Variants in LEMD3 observed in about 807,000 individuals in gnomAD.
LEMD3 encodes inner nuclear membrane protein Man1.
In LEMD3, 33 loss-of-function variants were observed where a neutral mutation model predicts 95.2. The ratio of observed to expected loss-of-function variants is 0.35; its 90% CI spans 0.26 to 0.46. The LOEUF is 0.46. LEMD3 is among the 20% of genes least tolerant of loss of function. The pLI is 1.00. For synonymous variants in LEMD3, 525 were observed against 474.6 expected, an observed-to-expected ratio of 1.11 and a Z score of -1.38; for missense variants, 1,210 against 1,192.8, an observed-to-expected ratio of 1.01 and a Z score of -0.21.
At chr12:65,219,647 A>C (rs560310355) in intron 4 of LEMD3, among the ~76,000 whole-genome samples, 2 of 152,194 alleles carry the variant, frequency 1.3e-5, no homozygotes, top group African/African-American at 4.8e-5. Context: ...TTATACAGCA[A>C]ATCTCTAGAA....
chr12:65,221,555 C>T (rs988097542), intron 4 of LEMD3, among the ~76,000 whole-genome samples: 2 of 151,836 alleles, frequency 1.3e-5, no homozygotes, highest in Admixed American at 1.3e-4. Context: ...ATCTTTAGGG[C>T]TTTCTATGTA....
At chr12:65,208,908 G>A (rs998352117) in intron 1 of LEMD3, among the ~76,000 whole-genome samples, 23 of 152,116 alleles carry the variant, frequency 1.5e-4, no homozygotes, top group African/African-American at 4.6e-4. Context: ...AGGATACTAG[G>A]GGTAGAGCAA....
rs1321264567 is a variant in LEMD3, at chr12:65,170,779, G to T, written c.1183G>T (p.Gly395Cys). The change falls in exon 1 of 13, where the codon GGT (glycine) becomes TGT (cysteine). Residue 395 changes from glycine to cysteine, a missense_variant. Gly to Cys is a radical substitution (Grantham distance 159, BLOSUM62 -3). Around this residue, in one of 2 missense-constraint regions of LEMD3, gnomAD observed 749 missense variants for 622.9 expected, o/e 1.20. Transcript: ENST00000308330. Reference protein sequence around the residue: ...SLLKTNNHIGGGAFSVDSPRI... With the variant: ...SLLKTNNHIGCGAFSVDSPRI... ...TCTGAAAACCAATAATCATATTGGC[G>T]GTGGGGCCTTCAGTGTGGACTCCCC... The T allele has an allele frequency of 8.7e-6, 14 of 1,614,168 alleles. No homozygotes were observed. Among genetic ancestry groups the T allele is most frequent in the Non-Finnish European group, 1.1e-5 (13 of 1,180,032 alleles).
intron 1 of LEMD3, among the ~76,000 whole-genome samples, chr12:65,188,631 A>G (rs1402166327): frequency 6.6e-6 from 1 of 152,122 alleles, no homozygotes; most frequent in African/African-American, 2.4e-5. Context: ...CTTCCTCCTT[A>G]CTTGCTTTAA....
intron 1 of LEMD3, among the ~76,000 whole-genome samples, chr12:65,199,274 TCATTA>T (rs2136329256): frequency 6.6e-6 from 1 of 152,264 alleles, no homozygotes; most frequent in East Asian, 1.9e-4. Context: ...GAACAGACTG[TCATTA>T]AAGTCTTAAA....
intron 1 of LEMD3, among the ~76,000 whole-genome samples, chr12:65,174,164 T>G (rs1868640676): frequency 6.6e-6 from 1 of 152,202 alleles, no homozygotes; most frequent in Non-Finnish European, 1.5e-5. Context: ...TCTTTTAAAT[T>G]GTTCTTAATC....
intron 2 of LEMD3, among the ~76,000 whole-genome samples, chr12:65,214,862 C>T (rs569687410): frequency 6.6e-6 from 1 of 152,074 alleles, no homozygotes; most frequent in Non-Finnish European, 1.5e-5. Context: ...CCCTCCTGAT[C>T]GTAATTGCTC....
At chr12:65,173,002 A>G (rs1868604707) in intron 1 of LEMD3, among the ~76,000 whole-genome samples, 1 of 152,158 alleles carries the variant, frequency 6.6e-6, no homozygotes, top group Admixed American at 6.5e-5. Context: ...CTTCCCAGCA[A>G]CTCACAGAAG....
At chr12:65,187,281 A>G (rs904256317) in intron 1 of LEMD3, among the ~76,000 whole-genome samples, 1 of 152,104 alleles carries the variant, frequency 6.6e-6, no homozygotes, top group African/African-American at 2.4e-5. Flanking sequence ...AGTGTTTACT[A>G]TGAGGATATG....
chr12:65,193,542 G>T (rs962804431), intron 1 of LEMD3, among the ~76,000 whole-genome samples: 1 of 152,050 alleles, frequency 6.6e-6, no homozygotes, highest in Non-Finnish European at 1.5e-5. Flanking sequence ...CCTCCATGTT[G>T]CTTCTTAATG....
At position 65,238,749 on chromosome 12, in the gene LEMD3, C is replaced by CT; in HGVS notation, c.1861dup (p.Trp621LeufsTer48). Reference sequence around the variant, plus strand: ...TTACAGTCCACAAGACCACTGATGTCTTTTTGGTGTCGTTTTCGACGTGCT... The same window carrying CT: ...TTACAGTCCACAAGACCACTGATGTCTTTTTTGGTGTCGTTTTCGACGTGCT... On this transcript the variant is annotated frameshift_variant, in exon 6 of 13. Coordinates refer to ENST00000308330, the MANE Select transcript of LEMD3 (RefSeq NM_014319.5). LOFTEE classifies it high-confidence loss of function. The CT allele has an allele frequency of 6.2e-7, 1 of 1,614,006 alleles. No homozygotes were observed. The highest frequency in any genetic ancestry group is 8.5e-7 in the Non-Finnish European group (1 of 1,179,936).
intron 1 of LEMD3, among the ~76,000 whole-genome samples, chr12:65,208,478 G>A (rs186065392): frequency 6.6e-5 from 10 of 152,078 alleles, no homozygotes; most frequent in East Asian, 3.9e-4. Context: ...TCTTCTCTTC[G>A]GTTACCTAAT....
rs190189675 is a variant in LEMD3, at chr12:65,239,842, C to T, written c.1922-87C>T. The T allele has an allele frequency of 4.2e-3, 3,650 of 873,712 alleles. 11 individuals carry two copies. Among genetic ancestry groups the T allele is most frequent in the Middle Eastern group, 7.0e-3 (21 of 3,018 alleles). The allele number at this position is 873,712 out of a possible 1,614,324, so 54.1% of individuals were successfully genotyped here. A position where few individuals can be genotyped will look rare whatever the true frequency, so the allele number is the denominator to read the frequency against. On this transcript the variant is annotated intron_variant, in intron 6 of 12. Transcript: ENST00000308330. Reference sequence around the variant, plus strand: ...CAGCCATCTGTCTTGAAGGTTCATTCCGTTGTGGCAGTTAAAATAATCACT... The same window carrying T: ...CAGCCATCTGTCTTGAAGGTTCATTTCGTTGTGGCAGTTAAAATAATCACT...
At chr12:65,189,276 A>G (rs1019357126) in intron 1 of LEMD3, among the ~76,000 whole-genome samples, 25 of 152,188 alleles carry the variant, frequency 1.6e-4, no homozygotes, top group African/African-American at 5.3e-4. Flanking sequence ...TACTGTCATC[A>G]AAGGACTGGT....
intron 1 of LEMD3, among the ~76,000 whole-genome samples, chr12:65,180,415 G>A (rs942397172): frequency 1.8e-4 from 27 of 149,762 alleles, no homozygotes; most frequent in African/African-American, 6.6e-4. Flanking sequence ...TTTTAAACAA[G>A]AGTTTACCAG....
chr12:65,199,550 A>C (rs897270656), intron 1 of LEMD3, among the ~76,000 whole-genome samples: 1 of 152,110 alleles, frequency 6.6e-6, no homozygotes, highest in Non-Finnish European at 1.5e-5. Context: ...TCTTATTTCT[A>C]ATGTAAATTA....
Position 65,170,900 on chromosome 12 carries a change from C to A in LEMD3, c.1304C>A (p.Thr435Asn), listed in dbSNP as rs768302841. 5.3e-5 allele frequency: 85 copies of A among 1,614,090 alleles called. No individual in the cohort carries two copies. In the East Asian group the frequency reaches 1.8e-3, roughly 35 times the overall value. ...GCCAATCATACGGGCTCCAATCATA[C>A]CTACCTGAAAAACACATACAACAAA... ...NHANHTGSNH[T>N]YLKNTYNKPK... The change falls in exon 1 of 13, where the codon ACC (threonine) becomes AAC (asparagine). Residue 435 changes from threonine (T) to asparagine (N), a missense_variant. By Grantham distance (65) the Thr-to-Asn change is moderately conservative (BLOSUM62 0). Coordinates refer to ENST00000308330, the MANE Select transcript of LEMD3 (RefSeq NM_014319.5).
chr12:65,233,787 C>G (rs1232292046), intron 4 of LEMD3, among the ~76,000 whole-genome samples: 1 of 152,066 alleles, frequency 6.6e-6, no homozygotes, highest in East Asian at 1.9e-4. Context: ...TATTTTTGTA[C>G]TTGGAAACTG....
chr12:65,190,842 T>A (rs2136324234), intron 1 of LEMD3, among the ~76,000 whole-genome samples: 1 of 152,318 alleles, frequency 6.6e-6, no homozygotes, highest in South Asian at 2.1e-4. Flanking sequence ...GGTTTCTGAA[T>A]TCTGGAGGGA....
Sources: allele counts gnomAD v4.1 joint callset (sites outside exome capture counted in the v4.1 genomes callset), GRCh38; gene constraint gnomAD v4.1.1; regional missense constraint gnomAD v4.1.1; transcripts MANE v1.5; gene names NCBI Gene and HGNC (gene_info 2026-07-23, HGNC 2026-07-21).